DEGS2: variants seen among roughly 807,000 people sequenced by gnomAD.
The protein encoded by DEGS2 is sphingolipid delta(4)-desaturase/C4-monooxygenase DES2.
In DEGS2, 19 loss-of-function variants were observed where a neutral mutation model predicts 23.8. The ratio of observed to expected loss-of-function variants is 0.80; its 90% CI spans 0.56 to 1.17. The LOEUF is 1.17. DEGS2 is among the 50% of genes most tolerant of loss of function. The pLI is 0.00. For missense variants in DEGS2, 390 were observed against 459.5 expected, an observed-to-expected ratio of 0.85 and a Z score of 1.38; for synonymous variants, 218 against 213.7, an observed-to-expected ratio of 1.02 and a Z score of -0.18.
intron 1 of DEGS2, among the ~76,000 whole-genome samples, chr14:100,158,086 C>CAAA (rs55666851): frequency 5.2e-4 from 51 of 97,896 alleles, no homozygotes; most frequent in Non-Finnish European, 6.7e-4. Context: ...GACTTCCTCT[C>CAAA]AAAAAAAAAA....
rs1889443725 is a variant in DEGS2, at chr14:100,146,308, G to C, written c.*453C>G. On this transcript the variant is annotated 3_prime_UTR_variant, in exon 3 of 3. Coordinates refer to ENST00000305631, the MANE Select transcript of DEGS2 (RefSeq NM_206918.3). ...CATGGCAGGACCTGGGCCTGGCCTG[G>C]ACGAAGCGGCACTCAGGCCTCAAGC... 1 of 172,058 alleles carries C rather than the reference G, an allele frequency of 5.8e-6. No individual in the cohort carries two copies. Among genetic ancestry groups the C allele is most frequent in the Admixed American group, 6.1e-5 (1 of 16,494 alleles). 10.7% of individuals were successfully genotyped at this position (172,058 alleles called of 1,614,324 possible).
At chr14:100,163,084 G>A (rs1235097222), upstream of DEGS2, among the ~76,000 whole-genome samples, 2 of 152,248 alleles carry the variant, frequency 1.3e-5, no homozygotes, top group Admixed American at 6.5e-5. Context: ...AGACTCGATG[G>A]AGGAGTGAGA....
chr14:100,158,131 G>GTGGCTCA (rs1363809605), intron 1 of DEGS2, among the ~76,000 whole-genome samples: 1 of 151,760 alleles, frequency 6.6e-6, no homozygotes, highest in Non-Finnish European at 1.5e-5. Context: ...GCCAGGCGTG[G>GTGGCTCA]TGGCTCATGG....
rs748309755 is a variant in DEGS2 at position 100,149,626 on chromosome 14, A to G, written c.167T>C (p.Leu56Pro). Residue 56 changes from leucine (L) to proline (P), a missense_variant, in exon 2 of 3, where the codon CTG becomes CCG. By Grantham distance (98) the Leu-to-Pro change is moderately conservative. Transcript: ENST00000305631. ...AVLVLVLVQM[L>P]ACWLVRGLAW... ...CAGCCCGCGCACCAGCCAGCAGGCC[A>G]GCATCTGCACCAGCACCAGCACCAG... The G allele has an allele frequency of 6.2e-7, 1 of 1,611,924 alleles. No homozygotes were observed. The highest frequency in any genetic ancestry group is 1.3e-5 in the African/African-American group (1 of 74,930).
At chr14:100,161,365 G>A (rs1397628140), upstream of DEGS2, among the ~76,000 whole-genome samples, 1 of 152,084 alleles carries the variant, frequency 6.6e-6, no homozygotes, top group Non-Finnish European at 1.5e-5. Flanking sequence ...AGAAGACCTG[G>A]GAGTGGAACA....
intron 1 of DEGS2, among the ~76,000 whole-genome samples, chr14:100,150,233 A>C: frequency 6.6e-6 from 1 of 152,224 alleles, no homozygotes; most frequent in South Asian, 2.1e-4. Flanking sequence ...GTCGCATGCA[A>C]AGTCCCCTTT....
At chr14:100,151,912 G>A (rs757803265) in intron 1 of DEGS2, among the ~76,000 whole-genome samples, 1 of 152,206 alleles carries the variant, frequency 6.6e-6, no homozygotes, top group Non-Finnish European at 1.5e-5. Flanking sequence ...CAGGTCCCTG[G>A]GGGAGTGGGA....
intron 2 of DEGS2, among the ~76,000 whole-genome samples, chr14:100,147,711 A>G (rs1246327734): frequency 7.9e-6 from 1 of 127,258 alleles, no homozygotes; most frequent in African/African-American, 3.0e-5. Flanking sequence ...GTCACCTCCT[A>G]AGGATGCTCT....
chr14:100,148,971 C>T lies in DEGS2; in HGVS notation c.822G>A (p.Pro274=), dbSNP rs374265570. 3.2e-5 allele frequency: 51 copies of T among 1,610,938 alleles called. No individual in the cohort carries two copies. The highest frequency in any genetic ancestry group is 6.7e-5 in the East Asian group (3 of 44,868). ...DFPSIPGYNL[P]LVRKIAPEYY... is the part of the protein sequence containing the mutation. ...CCCTGCCAGCCCAGCCACATACCAG[C>T]GGCAGGTTGTAGCCCGGGATGCTGG... Residue 274 remains proline (P), a synonymous_variant, in exon 2 of 3, where the codon CCG becomes CCA. Coordinates refer to ENST00000305631, the MANE Select transcript of DEGS2 (RefSeq NM_206918.3).
rs936127560 is a variant in DEGS2, at chr14:100,149,518, G to A, written c.275C>T (p.Ser92Leu). 8.7e-6 allele frequency: 14 copies of A among 1,602,482 alleles called. No individual in the cohort carries two copies. Among genetic ancestry groups the A allele is most frequent in the African/African-American group, 4.0e-5 (3 of 74,834 alleles). The change falls in exon 2 of 3, where the codon TCG becomes TTG. Residue 92 changes from serine (S) to leucine (L), a missense_variant. Coordinates refer to ENST00000305631, the MANE Select transcript of DEGS2 (RefSeq NM_206918.3). Reference sequence around the variant, plus strand: ...GCCCGTGCCGAAGGCCGCGTTGTGCGAGATGTCGTGGATGGCCAGCGTCAG... The same window carrying A: ...GCCCGTGCCGAAGGCCGCGTTGTGCAAGATGTCGTGGATGGCCAGCGTCAG... ...HSLTLAIHDI[S>L]HNAAFGTGRA...
chr14:100,149,907 A>T (rs766016854), intron 1 of DEGS2, among the ~76,000 whole-genome samples, 197 bp from the exon 2 acceptor site: 75 of 152,178 alleles, frequency 4.9e-4, no homozygotes, highest in Middle Eastern at 3.4e-3. Context: ...ATCCCACCAG[A>T]CTCAGAGGGC....
intron 1 of DEGS2, among the ~76,000 whole-genome samples, chr14:100,150,475 C>T (rs11624002): frequency 0.15 from 20,735 of 137,798 alleles, 1,543 homozygotes; most frequent in Middle Eastern, 0.26. Flanking sequence ...GAGGGAGGGG[C>T]AGGCCACACC....
chr14:100,155,909 C>T (rs1345544899), intron 1 of DEGS2, among the ~76,000 whole-genome samples: 3 of 152,064 alleles, frequency 2.0e-5, no homozygotes, highest in Admixed American at 2.0e-4. Flanking sequence ...CCACCGGCCA[C>T]GCCTGGCTGG....
upstream of DEGS2, among the ~76,000 whole-genome samples, chr14:100,162,118 C>CA (rs1889755974): frequency 6.6e-6 from 1 of 151,234 alleles, no homozygotes; most frequent in African/African-American, 2.4e-5. Context: ...GAGGCCGAGG[C>CA]AGGTGGATCA....
At chr14:100,152,351 G>T (rs1889586463) in intron 1 of DEGS2, among the ~76,000 whole-genome samples, 1 of 152,060 alleles carries the variant, frequency 6.6e-6, no homozygotes. Flanking sequence ...CTGGAGCTGG[G>T]TGCCAAGGGG....
At position 100,149,632 on chromosome 14, in the gene DEGS2, TGCACCA is replaced by T. The variant is rs772314264; in HGVS notation, c.155_160del (p.Leu52_Val53del). ...GCGCACCAGCCAGCAGGCCAGCATC[TGCACCA>T]GCACCAGCACCAGCACCGCCCACTT... On this transcript the variant is annotated inframe_deletion, in exon 2 of 3. Coordinates refer to ENST00000305631, the MANE Select transcript of DEGS2 (RefSeq NM_206918.3). 1.7e-5 allele frequency: 27 copies of T among 1,611,932 alleles called. No individual in the cohort carries two copies. The highest frequency in any genetic ancestry group is 2.1e-5 in the Non-Finnish European group (25 of 1,179,606).
At chr14:100,163,426 G>A (rs1889772415), upstream of DEGS2, among the ~76,000 whole-genome samples, 1 of 152,104 alleles carries the variant, frequency 6.6e-6, no homozygotes, top group Non-Finnish European at 1.5e-5. Flanking sequence ...TGGGAGACAA[G>A]AGCCGAACTC....
In DEGS2 at chr14:100,144,080, G is replaced by A. The variant is rs1486464636; in HGVS notation, c.*2681C>T. The A allele has an allele frequency of 1.7e-5, 6 of 357,114 alleles. No individual in the cohort carries two copies. Among genetic ancestry groups the A allele is most frequent in the South Asian group, 1.0e-4 (3 of 28,656 alleles). 22.1% of individuals were successfully genotyped at this position (357,114 alleles called of 1,614,324 possible). A position where few individuals can be genotyped will look rare whatever the true frequency, so the allele number is the denominator to read the frequency against. ...TTTTCTCCCAGGTGACGCTGTTAGC[G>A]CCTCAGCTGGCGGTGACAGCCGGCC... On this transcript the variant is annotated 3_prime_UTR_variant, in exon 3 of 3. Coordinates refer to ENST00000305631, the MANE Select transcript of DEGS2 (RefSeq NM_206918.3).
chr14:100,159,671 T>A (rs1889719834), upstream of DEGS2: 1 of 579,786 alleles, frequency 1.7e-6, no homozygotes, highest in African/African-American at 2.3e-5. Flanking sequence ...GAACCAGCTC[T>A]GATTAGGGCG....
Sources: allele counts gnomAD v4.1 joint callset (sites outside exome capture counted in the v4.1 genomes callset), GRCh38; gene constraint gnomAD v4.1.1; transcripts MANE v1.5; gene names NCBI Gene and HGNC (gene_info 2026-07-23, HGNC 2026-07-21).